The following ARPC2 variants were observed in gnomAD, a reference collection of about 807,000 sequenced individuals.
The protein encoded by ARPC2 is actin related protein 2/3 complex subunit 2.
Under a neutral mutation model 38.6 loss-of-function variants are expected in ARPC2, and 4 were observed. The observed-to-expected ratio is 0.10, with a 90% CI of 0.05 to 0.24. ARPC2 has a LOEUF of 0.24. Ranked by LOEUF, ARPC2 falls within the 10% of genes least tolerant of loss-of-function variation. The probability of loss-of-function intolerance (pLI) is 1.00; values close to 1 mark genes in which losing one functional copy is unlikely to be tolerated. For synonymous variants in ARPC2, 125 were observed against 140.8 expected, an observed-to-expected ratio of 0.89 and a Z score of 0.79; for missense variants, 229 against 387.3, an observed-to-expected ratio of 0.59 and a Z score of 3.43.
At chr2:218,250,358 C>G (rs1240401231) in intron 10 of ARPC2, among the ~76,000 whole-genome samples, 3 of 152,108 alleles carry the variant, frequency 2.0e-5, no homozygotes, top group African/African-American at 4.8e-5. Flanking sequence ...TTCTCTTTAT[C>G]AGGGATAGAA....
chr2:218,253,033 G>A (rs1178540377), intron 10 of ARPC2: 2 of 456,170 alleles, frequency 4.4e-6, no homozygotes, highest in African/African-American at 4.0e-5. Context: ...GTTACTAATG[G>A]TGGGTAGGAG....
intron 5 of ARPC2, among the ~76,000 whole-genome samples, chr2:218,237,095 C>T (rs939512308): frequency 1.3e-5 from 2 of 152,130 alleles, no homozygotes; most frequent in Non-Finnish European, 2.9e-5. Context: ...GTTCTGCACC[C>T]GTATTGATGA....
At chr2:218,225,008 C>T (rs1031953764) in intron 2 of ARPC2, among the ~76,000 whole-genome samples, 1 of 152,070 alleles carries the variant, frequency 6.6e-6, no homozygotes, top group African/African-American at 2.4e-5. Context: ...GTTTGCTAGC[C>T]CCTAAAACAA....
At chr2:218,242,733 T>A (rs2106156075) in intron 7 of ARPC2, among the ~76,000 whole-genome samples, 1 of 152,354 alleles carries the variant, frequency 6.6e-6, no homozygotes. Flanking sequence ...AAAGATGTTC[T>A]GAGGTCAGAA....
intron 8 of ARPC2, among the ~76,000 whole-genome samples, chr2:218,246,682 A>C (rs1456848734): frequency 6.6e-6 from 1 of 152,012 alleles, no homozygotes; most frequent in Non-Finnish European, 1.5e-5. Context: ...CTCTACAAAA[A>C]GCAAGGGGCC....
At chr2:218,228,898 A>G (rs1559477159) in intron 4 of ARPC2, 48 bp downstream of exon 4, 4 of 1,282,326 alleles carry the variant, frequency 3.1e-6, no homozygotes, top group Non-Finnish European at 2.3e-6. Context: ...CTCACCTTTC[A>G]TTGGCAGTTT....
chr2:218,227,677 A>G (rs1334114142), intron 3 of ARPC2, among the ~76,000 whole-genome samples: 1 of 145,304 alleles, frequency 6.9e-6, no homozygotes, highest in East Asian at 2.0e-4. Context: ...TGCAACCTCC[A>G]CCCCCCGGGT....
At chr2:218,232,066 C>G (rs1338050999) in intron 4 of ARPC2, among the ~76,000 whole-genome samples, 2 of 152,090 alleles carry the variant, frequency 1.3e-5, no homozygotes, top group African/African-American at 4.8e-5. Context: ...ATGGTGAAAC[C>G]CCATCTCTAC....
chr2:218,232,657 C>G (rs568228479), intron 4 of ARPC2, among the ~76,000 whole-genome samples: 4 of 151,426 alleles, frequency 2.6e-5, no homozygotes, highest in African/African-American at 7.3e-5. Flanking sequence ...GCAAGCTCTG[C>G]CTCCCGGGTT....
chr2:218,245,112 C>T (rs1690000432), intron 7 of ARPC2, among the ~76,000 whole-genome samples: 1 of 152,090 alleles, frequency 6.6e-6, no homozygotes, highest in Admixed American at 6.6e-5. Context: ...ATGCAAAGTC[C>T]CAGAGCCCAG....
At chr2:218,236,932 C>A (rs1012525867) in intron 5 of ARPC2, among the ~76,000 whole-genome samples, 1 of 152,122 alleles carries the variant, frequency 6.6e-6, no homozygotes, top group South Asian at 2.1e-4. Context: ...TAAAATGATC[C>A]TCAGTGATGT....
chr2:218,218,997 G>A (rs115101645), intron 2 of ARPC2, among the ~76,000 whole-genome samples: 1 of 152,150 alleles, frequency 6.6e-6, no homozygotes, highest in Non-Finnish European at 1.5e-5. Flanking sequence ...GGTGATTGCT[G>A]TATACTTTTT....
intron 5 of ARPC2, 49 bp downstream of exon 5, chr2:218,234,446 C>A (rs369039959): frequency 4.3e-6 from 6 of 1,396,724 alleles, no homozygotes; most frequent in Non-Finnish European, 5.9e-6. Context: ...AGAGAGGTGT[C>A]CTTTTTATAT....
At chr2:218,224,083 T>C (rs978943603) in intron 2 of ARPC2, among the ~76,000 whole-genome samples, 2 of 152,182 alleles carry the variant, frequency 1.3e-5, no homozygotes, top group Non-Finnish European at 2.9e-5. Flanking sequence ...AAAATATTAA[T>C]GAATGTGATT....
intron 8 of ARPC2, among the ~76,000 whole-genome samples, chr2:218,248,609 C>T (rs373054200): frequency 9.2e-5 from 14 of 152,312 alleles, no homozygotes; most frequent in African/African-American, 3.4e-4. Context: ...TACAGGCACA[C>T]GCCATCACAT....
intron 1 of ARPC2, 27 bp downstream of exon 1, chr2:218,217,281 C>T (rs943186991): frequency 6.9e-6 from 4 of 578,584 alleles, no homozygotes; most frequent in Non-Finnish European, 1.2e-5. Flanking sequence ...GGTGTCTCCA[C>T]AGTCTGCGTG....
rs1459033293 is a variant in ARPC2, at chr2:218,224,134, C to T, written c.75-1786C>T. Among the ~76,000 whole-genome samples the T allele has an allele frequency of 3.3e-5, 5 of 152,156 alleles. No individual in the cohort carries two copies. The South Asian group carries it at 6.2e-4, about 19-fold the overall frequency. ...AGTCAGACAGCAGACCACTTAAGAT[C>T]GATCGTAGCAACTTTTCCCACAAGG... On this transcript the variant is annotated intron_variant, in intron 2 of 10. Coordinates refer to ENST00000315717, the MANE Select transcript of ARPC2 (RefSeq NM_152862.3).
chr2:218,218,541 T>G (rs1427826888), intron 2 of ARPC2, among the ~76,000 whole-genome samples: 1 of 152,258 alleles, frequency 6.6e-6, no homozygotes, highest in African/African-American at 2.4e-5. Flanking sequence ...TGGTGGCCTG[T>G]GGCCAGTCCC....
intron 1 of ARPC2, 65 bp from the exon 2 acceptor site, chr2:218,217,398 T>C (rs1367586692): frequency 6.7e-7 from 1 of 1,500,182 alleles, no homozygotes; most frequent in Non-Finnish European, 9.3e-7. Flanking sequence ...GCAGGGCCGC[T>C]CCCTCCGTCC....
Sources: gnomAD v4.1 joint callset for allele counts (sites outside exome capture counted in the v4.1 genomes callset) on GRCh38, gnomAD v4.1.1 for gene constraint, MANE v1.5 for transcripts, NCBI Gene and HGNC (gene_info 2026-07-23, HGNC 2026-07-21) for gene names.